Variants in PTPRD observed in about 807,000 individuals in gnomAD.
The protein encoded by PTPRD is protein tyrosine phosphatase receptor type D, also known as receptor-type tyrosine-protein phosphatase delta.
A neutral mutation model predicts 214.5 loss-of-function variants in PTPRD; 34 were observed. That is an observed-to-expected ratio of 0.16 (90% confidence interval 0.12 to 0.21). PTPRD has a LOEUF of 0.21. PTPRD is among the 10% of genes least tolerant of loss of function. The probability of loss-of-function intolerance (pLI) is 1.00; values close to 1 mark genes in which losing one functional copy is unlikely to be tolerated. For missense variants in PTPRD, 2,545 were observed against 2,398.7 expected, an observed-to-expected ratio of 1.06 and a Z score of -1.27; for synonymous variants, 1,128 against 845.7, an observed-to-expected ratio of 1.33 and a Z score of -5.79.
At position 8,913,404 on chromosome 9, in the gene PTPRD, A is replaced by G. The variant is rs547472620; in HGVS notation, c.-104+105293T>C. On this transcript the variant is annotated intron_variant, in intron 11 of 45. Transcript: ENST00000381196. ...ATTCACAAACATATCAAAGGTAAAAACCTACATAAAAAATAAATAAAGCAT... is the reference window on the plus strand; with the variant it reads ...ATTCACAAACATATCAAAGGTAAAAGCCTACATAAAAAATAAATAAAGCAT... Among the ~76,000 whole-genome samples the G allele has an allele frequency of 2.0e-5, 3 of 152,228 alleles. No individual in the cohort carries two copies. In the South Asian group the frequency reaches 6.2e-4, roughly 32 times the overall value.
intron 9 of PTPRD, among the ~76,000 whole-genome samples, chr9:9,330,132 C>T (rs1232524934): frequency 2.0e-5 from 3 of 152,012 alleles, no homozygotes; most frequent in Admixed American, 6.6e-5. Context: ...AACTCCAGAC[C>T]CTGCCATGCC....
intron 9 of PTPRD, among the ~76,000 whole-genome samples, chr9:9,245,691 G>A (rs376927737): frequency 6.6e-6 from 1 of 152,064 alleles, no homozygotes; most frequent in Admixed American, 6.6e-5. Flanking sequence ...GATGGGTGCA[G>A]CACACCAACA....
rs1198281238 is a variant in PTPRD, at chr9:9,305,028, T to C, written c.-203+92421A>G. Among the ~76,000 whole-genome samples, 4 of 149,750 alleles carry C rather than the reference T, an allele frequency of 2.7e-5. No individual in the cohort carries two copies. In the Admixed American group the frequency reaches 2.7e-4, roughly 10 times the overall value. On this transcript the variant is annotated intron_variant, in intron 9 of 45. Transcript: ENST00000381196. The stretch of plus-strand genomic sequence containing the variant: ...ACTAGTTCCCTTAGTTTTCGGTCAA[T>C]ACTTCACGCCCACCTGTTAGAGTCC...
intron 5 of PTPRD, among the ~76,000 whole-genome samples, chr9:9,901,898 C>T (rs10759096): frequency 0.6 from 90,492 of 151,982 alleles, 29,223 homozygotes; most frequent in Admixed American, 0.72. Flanking sequence ...CTAGATCTTG[C>T]GAGAACTCGC....
chr9:9,795,909 C>G (rs767591289), intron 5 of PTPRD, among the ~76,000 whole-genome samples: 2 of 152,014 alleles, frequency 1.3e-5, no homozygotes, highest in Non-Finnish European at 2.9e-5. Flanking sequence ...AAGTACATTT[C>G]TAGTCTCTCT....
chr9:10,594,155 C>T (rs1421394677), intron 2 of PTPRD, among the ~76,000 whole-genome samples: 1 of 151,928 alleles, frequency 6.6e-6, no homozygotes, highest in Non-Finnish European at 1.5e-5. Context: ...TATGCCTAAA[C>T]AAGCAGATTA....
At chr9:9,081,713 C>T (rs1000759539) in intron 10 of PTPRD, among the ~76,000 whole-genome samples, 3 of 151,854 alleles carry the variant, frequency 2.0e-5, no homozygotes, top group African/African-American at 7.3e-5. Context: ...GGAGAGTTAG[C>T]TCTTCTTGTT....
At chr9:8,845,871 G>T (rs999032909) in intron 11 of PTPRD, among the ~76,000 whole-genome samples, 3 of 152,170 alleles carry the variant, frequency 2.0e-5, no homozygotes, top group African/African-American at 7.2e-5. Flanking sequence ...TCTCTGTTAG[G>T]GCGGTCATTT....
At chr9:9,688,859 G>C (rs908577398) in intron 7 of PTPRD, among the ~76,000 whole-genome samples, 5 of 151,568 alleles carry the variant, frequency 3.3e-5, no homozygotes. Flanking sequence ...AGCTAAGGGG[G>C]TACTTGTTTT....
At chr9:8,668,584 C>T (rs778358532) in intron 12 of PTPRD, among the ~76,000 whole-genome samples, 8 of 151,978 alleles carry the variant, frequency 5.3e-5, no homozygotes, top group Non-Finnish European at 8.8e-5. Flanking sequence ...AAAGACTAGA[C>T]GATTTACTTG....
At chr9:8,464,012 A>T (rs189290231) in intron 32 of PTPRD, among the ~76,000 whole-genome samples, 9 of 152,096 alleles carry the variant, frequency 5.9e-5, no homozygotes, top group Admixed American at 5.9e-4. Context: ...AACTTCATTA[A>T]CAAATTTGGA....
intron 11 of PTPRD, among the ~76,000 whole-genome samples, chr9:8,858,611 C>T (rs564106029): frequency 6.6e-6 from 1 of 152,250 alleles, no homozygotes; most frequent in South Asian, 2.1e-4. Context: ...TGCTGTGCTC[C>T]AGCGCTGGGG....
chr9:9,225,601 C>T (rs180698691), intron 9 of PTPRD, among the ~76,000 whole-genome samples: 13 of 152,102 alleles, frequency 8.5e-5, no homozygotes, highest in Non-Finnish European at 8.8e-5. Flanking sequence ...CTACAAAGCC[C>T]TATTGAGACA....
chr9:10,503,208 C>CA (rs1182534691), intron 2 of PTPRD, among the ~76,000 whole-genome samples: 26,535 of 118,376 alleles, frequency 0.22, 4,099 homozygotes, highest in African/African-American at 0.42. Flanking sequence ...AAAAAAAAAA[C>CA]AAAAAAAAAC....
At chr9:9,253,478 T>A (rs1289222466) in intron 9 of PTPRD, among the ~76,000 whole-genome samples, 1 of 149,012 alleles carries the variant, frequency 6.7e-6, no homozygotes, top group African/African-American at 2.4e-5. Context: ...GAATCATATT[T>A]TTGAGCTTGA....
intron 4 of PTPRD, among the ~76,000 whole-genome samples, chr9:9,988,694 G>C (rs552983255): frequency 1.3e-5 from 2 of 151,902 alleles, no homozygotes; most frequent in East Asian, 3.9e-4. Context: ...TTAATAACAA[G>C]TGCTGTTACA....
intron 38 of PTPRD, among the ~76,000 whole-genome samples, chr9:8,376,317 A>T (rs994162772): frequency 2.0e-5 from 3 of 152,098 alleles, no homozygotes; most frequent in Non-Finnish European, 4.4e-5. Flanking sequence ...TATATTTTTC[A>T]GGTTTAACTA....
chr9:9,664,516 G>C (rs1194453934), intron 7 of PTPRD, among the ~76,000 whole-genome samples: 2 of 151,546 alleles, frequency 1.3e-5, no homozygotes, highest in African/African-American at 2.4e-5. Context: ...CCTAATACAA[G>C]AGTTTCTAAT....
intron 11 of PTPRD, among the ~76,000 whole-genome samples, chr9:8,836,952 C>T (rs1009928103): frequency 6.6e-6 from 1 of 151,642 alleles, no homozygotes; most frequent in Admixed American, 6.6e-5. Flanking sequence ...CCAATACCTA[C>T]CATTAATAAC....
Sources: gnomAD v4.1 joint callset for allele counts (sites outside exome capture counted in the v4.1 genomes callset) on GRCh38, gnomAD v4.1.1 for gene constraint, MANE v1.5 for transcripts, NCBI Gene and HGNC (gene_info 2026-07-23, HGNC 2026-07-21) for gene names.